Variants in GRID2 observed in about 807,000 individuals in gnomAD.
GRID2 encodes glutamate ionotropic receptor delta type subunit 2.
In GRID2, 33 loss-of-function variants were observed where a neutral mutation model predicts 114.8. The ratio of observed to expected loss-of-function variants is 0.29; its 90% CI spans 0.22 to 0.38. The LOEUF is 0.38. Among genes scored for constraint, GRID2 ranks in the 10% least tolerant of loss-of-function variants. The pLI is 1.00. For missense variants in GRID2, 1,184 were observed against 1,257.7 expected, an observed-to-expected ratio of 0.94 and a Z score of 0.89; for synonymous variants, 505 against 449.9, an observed-to-expected ratio of 1.12 and a Z score of -1.55.
intron 2 of GRID2, among the ~76,000 whole-genome samples, chr4:92,692,840 T>A (rs773184590): frequency 7.9e-5 from 12 of 151,928 alleles, no homozygotes; most frequent in African/African-American, 2.9e-4. Context: ...CTGGCCAACA[T>A]GGCGAAACCC....
chr4:92,672,970 T>C (rs1733150548), intron 2 of GRID2, among the ~76,000 whole-genome samples: 1 of 152,162 alleles, frequency 6.6e-6, no homozygotes, highest in Non-Finnish European at 1.5e-5. Context: ...TATCCCCCAA[T>C]TCCCCTTACT....
chr4:93,290,756 T>C (rs760283714), intron 8 of GRID2, among the ~76,000 whole-genome samples: 3 of 152,016 alleles, frequency 2.0e-5, no homozygotes, highest in Non-Finnish European at 1.5e-5. Flanking sequence ...TCATTTTTTG[T>C]CCACAGTAAC....
At chr4:93,138,622 C>T (rs1735488528) in intron 4 of GRID2, among the ~76,000 whole-genome samples, 1 of 152,186 alleles carries the variant, frequency 6.6e-6, no homozygotes, top group African/African-American at 2.4e-5. Context: ...TTCAATTTTT[C>T]AGGCCAGACA....
intron 1 of GRID2, among the ~76,000 whole-genome samples, chr4:92,366,486 A>G (rs1728872003): frequency 1.3e-5 from 2 of 152,184 alleles, no homozygotes; most frequent in Non-Finnish European, 2.9e-5. Context: ...AGTGCCTGCC[A>G]TATATTACGT....
intron 1 of GRID2, among the ~76,000 whole-genome samples, chr4:92,558,852 G>A (rs975416113): frequency 9.2e-5 from 14 of 152,114 alleles, no homozygotes; most frequent in Middle Eastern, 3.2e-3. Context: ...AGCTGATGGT[G>A]CCCTCAGAGC....
intron 1 of GRID2, among the ~76,000 whole-genome samples, chr4:92,503,120 A>G (rs975736151): frequency 6.6e-6 from 1 of 152,106 alleles, no homozygotes; most frequent in Non-Finnish European, 1.5e-5. Flanking sequence ...TTCTTTCTAG[A>G]AATCCAGAAA....
At position 93,668,771 on chromosome 4, in the gene GRID2, G is replaced by C. The variant is rs569188495; in HGVS notation, c.2360+42336G>C. 5.3e-5 allele frequency among the ~76,000 whole-genome samples: 8 copies of C among 152,158 alleles called. No homozygotes were observed. The South Asian group carries it at 1.7e-3, about 32-fold the overall frequency. On this transcript the variant is annotated intron_variant, in intron 14 of 15. Transcript: ENST00000282020. ...GGATAATGGAAGAATTTAAAGCAGA[G>C]AGTTTTGAAGTAAATCTTAAAGGTG... is the stretch of plus-strand genomic sequence containing the variant.
chr4:92,647,354 G>A (rs1731700263), intron 2 of GRID2, among the ~76,000 whole-genome samples: 1 of 149,750 alleles, frequency 6.7e-6, no homozygotes, highest in African/African-American at 2.5e-5. Flanking sequence ...TTTGAACAAA[G>A]AGAAAACAAT....
At chr4:93,602,763 G>A (rs1442749191) in intron 13 of GRID2, among the ~76,000 whole-genome samples, 1 of 152,224 alleles carries the variant, frequency 6.6e-6, no homozygotes, top group Non-Finnish European at 1.5e-5. Context: ...GTGTTCAAGT[G>A]AAAGGAAGAG....
intron 2 of GRID2, among the ~76,000 whole-genome samples, chr4:92,771,943 A>G (rs1578171075): frequency 6.6e-6 from 1 of 152,202 alleles, no homozygotes. Flanking sequence ...TACGTCTACT[A>G]TTGCTAGATT....
intron 8 of GRID2, among the ~76,000 whole-genome samples, chr4:93,332,713 A>G (rs17020420): frequency 0.032 from 4,908 of 152,242 alleles, 171 homozygotes; most frequent in African/African-American, 0.081. Context: ...GTTCTTGGGT[A>G]CAGACTCTTT....
chr4:92,444,391 G>A (rs879042937), intron 1 of GRID2, among the ~76,000 whole-genome samples: 8 of 147,740 alleles, frequency 5.4e-5, no homozygotes, highest in African/African-American at 7.3e-5. Context: ...GTTCTCTGGC[G>A]GGCAGGAGTG....
At chr4:93,705,389 G>A (rs1206581623) in intron 14 of GRID2, among the ~76,000 whole-genome samples, 1 of 150,732 alleles carries the variant, frequency 6.6e-6, no homozygotes, top group Non-Finnish European at 1.5e-5. Flanking sequence ...GGAGTGCAGT[G>A]GCTTGATGTC....
At chr4:92,399,265 C>T (rs775873781) in intron 1 of GRID2, among the ~76,000 whole-genome samples, 1 of 152,092 alleles carries the variant, frequency 6.6e-6, no homozygotes, top group Non-Finnish European at 1.5e-5. Flanking sequence ...AGGTGAGTCA[C>T]ATTTGTGTTT....
At position 93,706,178 on chromosome 4, in the gene GRID2, C is replaced by T. The variant is rs551456296; in HGVS notation, c.2361-63032C>T. ...AGCTATTCTAGGTCTTTTGTGGTTC[C>T]GCATAAATTTTAACATTGTTTTTTC... is the stretch of plus-strand genomic sequence containing the variant. On this transcript the variant is annotated intron_variant, in intron 14 of 15. Coordinates refer to ENST00000282020, the MANE Select transcript of GRID2 (RefSeq NM_001510.4). Among the ~76,000 whole-genome samples, 18 of 152,136 alleles carry T rather than the reference C, an allele frequency of 1.2e-4. 2 individuals are homozygous for T. In the South Asian group the frequency reaches 3.7e-3, roughly 32 times the overall value.
intron 4 of GRID2, among the ~76,000 whole-genome samples, chr4:93,136,233 TG>T (rs1280918103): frequency 4.0e-4 from 2 of 5,036 alleles, no homozygotes; most frequent in Admixed American, 4.2e-3. Flanking sequence ...CAACAGTTAT[TG>T]TGTGTGTGTG....
At chr4:93,749,478 C>A (rs1732127435) in intron 14 of GRID2, among the ~76,000 whole-genome samples, 1 of 152,094 alleles carries the variant, frequency 6.6e-6, no homozygotes, top group Admixed American at 6.5e-5. Context: ...CCACTCATTG[C>A]CCCTTTTTCA....
chr4:93,006,552 G>A (rs1721547951), intron 2 of GRID2, among the ~76,000 whole-genome samples: 1 of 149,720 alleles, frequency 6.7e-6, no homozygotes, highest in South Asian at 2.1e-4. Context: ...TGTGGCTAAA[G>A]GAAAAATAAA....
chr4:92,828,967 C>G (rs1256469118), intron 2 of GRID2, among the ~76,000 whole-genome samples: 1 of 152,058 alleles, frequency 6.6e-6, no homozygotes, highest in Non-Finnish European at 1.5e-5. Flanking sequence ...TGTAGGTTGC[C>G]TGTTCACTCT....
Sources: allele counts gnomAD v4.1 joint callset (sites outside exome capture counted in the v4.1 genomes callset), GRCh38; gene constraint gnomAD v4.1.1; transcripts MANE v1.5; gene names NCBI Gene and HGNC (gene_info 2026-07-23, HGNC 2026-07-21).